PCDHGB4: variants seen among roughly 807,000 people sequenced by gnomAD.
PCDHGB4 encodes protocadherin gamma subfamily B, 4, also known as protocadherin gamma-B4.
PCDHGB4 carries 38 observed loss-of-function variants against 60.5 expected under a neutral mutation model. The observed-to-expected ratio is 0.63, with a 90% confidence interval of 0.48 to 0.82. The LOEUF (loss-of-function observed/expected upper bound fraction) is 0.82, where lower values mean the gene tolerates loss of function less well. Ranked by LOEUF, PCDHGB4 falls within the 40% of genes least tolerant of loss-of-function variation. The pLI is 0.00. For missense variants in PCDHGB4, 1,109 were observed against 1,209.6 expected (o/e 0.92, Z 1.23); for synonymous variants, 456 against 509.7 (o/e 0.89, Z 1.42).
At chr5:141,414,223 G>C in intron 1 of PCDHGB4, 1 of 1,613,426 alleles carries the variant, frequency 6.2e-7, no homozygotes, top group Non-Finnish European at 8.5e-7. Flanking sequence ...CAACAGTCCA[G>C]AGCTGACCAT....
intron 2 of PCDHGB4, among the ~76,000 whole-genome samples, chr5:141,502,200 C>T (rs553356132): frequency 6.6e-6 from 1 of 152,252 alleles, no homozygotes; most frequent in African/African-American, 2.4e-5. Flanking sequence ...AATATAGAAT[C>T]CACCAGCAGA....
At chr5:141,494,355 G>T (rs910437011) in intron 1 of PCDHGB4, among the ~76,000 whole-genome samples, 4 of 152,234 alleles carry the variant, frequency 2.6e-5, no homozygotes, top group African/African-American at 9.6e-5. Flanking sequence ...CCATCTTGCT[G>T]CAGAGGATGC....
chr5:141,479,939 A>G (rs763454741), intron 1 of PCDHGB4, among the ~76,000 whole-genome samples: 2 of 152,004 alleles, frequency 1.3e-5, no homozygotes, highest in Non-Finnish European at 2.9e-5. Flanking sequence ...ATTGCTATCA[A>G]CTCTTGGATT....
chr5:141,455,133 C>G (rs1172825339), intron 1 of PCDHGB4, among the ~76,000 whole-genome samples: 2 of 151,392 alleles, frequency 1.3e-5, no homozygotes, highest in African/African-American at 4.9e-5. Context: ...TTAAATTACA[C>G]TGTGTTAAAT....
In PCDHGB4 at chr5:141,493,211, G is replaced by C. The variant is rs1312763933; in HGVS notation, c.2398-1596G>C. Reference sequence around the variant, plus strand: ...CTCCTTTGAGAACCTCATCTCATTTGCTCTTCCCACCATTGCTGTTGGCTA... The same window carrying C: ...CTCCTTTGAGAACCTCATCTCATTTCCTCTTCCCACCATTGCTGTTGGCTA... On this transcript the variant is annotated intron_variant, in intron 1 of 3. Transcript: ENST00000519479. The surrounding 1 kb of genome is among the most constrained non-coding windows in gnomAD (Gnocchi z 4.3). 6.6e-6 allele frequency among the ~76,000 whole-genome samples: 1 copy of C among 152,180 alleles called. No individual in the cohort carries two copies. The highest frequency in any genetic ancestry group is 2.4e-5 in the African/African-American group (1 of 41,436).
In PCDHGB4 at chr5:141,511,999, C is replaced by G. The variant is rs1049440139; in HGVS notation, c.*826C>G. ...GTGGATGGTGGGGGCATGGACAAAG[C>G]TTGACACATCAAGTTATCAAGGCCT... is the stretch of plus-strand genomic sequence containing the variant. On this transcript the variant is annotated 3_prime_UTR_variant, in exon 4 of 4. Coordinates refer to ENST00000519479, the MANE Select transcript of PCDHGB4 (RefSeq NM_003736.4). 6.5e-6 allele frequency: 1 copy of G among 153,016 alleles called. No individual in the cohort carries two copies. Among genetic ancestry groups the G allele is most frequent in the Non-Finnish European group, 1.5e-5 (1 of 68,392 alleles). The allele number at this position is 153,016 out of a possible 1,614,324, so 9.5% of individuals were successfully genotyped here. A position where few individuals can be genotyped will look rare whatever the true frequency, so the allele number is the denominator to read the frequency against.
chr5:141,468,952 G>GA (rs2099186671), intron 1 of PCDHGB4, among the ~76,000 whole-genome samples: 1 of 151,198 alleles, frequency 6.6e-6, no homozygotes. Context: ...TAAACCTGTG[G>GA]TTTTTTTTAC....
intron 1 of PCDHGB4, chr5:141,417,879 A>G (rs2096177010): frequency 7.1e-6 from 11 of 1,559,306 alleles, no homozygotes; most frequent in South Asian, 2.3e-5. Flanking sequence ...AGCTGCGCGC[A>G]GAGGCGCCGG....
chr5:141,419,507 G>A (rs909984738), intron 1 of PCDHGB4: 2 of 1,612,198 alleles, frequency 1.2e-6, no homozygotes, highest in Non-Finnish European at 1.7e-6. Context: ...GAGCCTGCGC[G>A]TGTTGGTGGG....
intron 1 of PCDHGB4, chr5:141,399,718 C>T (rs770212703): frequency 6.2e-7 from 1 of 1,613,306 alleles, no homozygotes; most frequent in Non-Finnish European, 8.5e-7. Context: ...ACTACAGGCC[C>T]GCGACCAGGG....
chr5:141,400,150 C>T (rs1375670164), intron 1 of PCDHGB4: 3 of 1,613,952 alleles, frequency 1.9e-6, no homozygotes, highest in Non-Finnish European at 2.5e-6. Flanking sequence ...CACTGACCGC[C>T]CTGTACCCTC....
intron 1 of PCDHGB4, among the ~76,000 whole-genome samples, chr5:141,430,347 A>C (rs2097274758): frequency 6.6e-6 from 1 of 151,944 alleles, no homozygotes; most frequent in Non-Finnish European, 1.5e-5. Flanking sequence ...CTTCCAATTC[A>C]TTTAAAAGCT....
chr5:141,413,981 C>T (rs563161887), intron 1 of PCDHGB4: 52 of 1,613,334 alleles, frequency 3.2e-5, no homozygotes, highest in African/African-American at 5.3e-5. Context: ...CTGACAGTCA[C>T]AGCCACCGAC....
chr5:141,434,481 A>G (rs2097697198), intron 1 of PCDHGB4, among the ~76,000 whole-genome samples: 1 of 152,246 alleles, frequency 6.6e-6, no homozygotes, highest in Non-Finnish European at 1.5e-5. Context: ...GGCAAGGAAC[A>G]CCTGGCCCGC....
chr5:141,490,142 C>T lies in PCDHGB4; in HGVS notation c.2398-4665C>T. On this transcript the variant is annotated intron_variant, in intron 1 of 3. Transcript: ENST00000519479. This position sits in a 1 kb window ranked among gnomAD's most constrained non-coding sequence, Gnocchi z 5.4. ...TTTGGCCTAGACCCTAGCAGTGGGG[C>T]AATCCATGTGTTGGGTCCCATAGAC... 2 of 1,614,220 alleles carry T rather than the reference C, an allele frequency of 1.2e-6. No individual in the cohort carries two copies. Among genetic ancestry groups the T allele is most frequent in the South Asian group, 1.1e-5 (1 of 91,088 alleles).
In PCDHGB4 at chr5:141,487,829, C is replaced by T. The variant is rs528435429; in HGVS notation, c.2398-6978C>T. On this transcript the variant is annotated intron_variant, in intron 1 of 3. Transcript: ENST00000519479. The surrounding 1 kb of genome is among the most constrained non-coding windows in gnomAD (Gnocchi z 5.0). ...GTTTAGCATTGGGGGCGGGTCATGC[C>T]TATATCTGAGTAAGAAATGAAAGTA... The T allele has an allele frequency of 1.1e-4, 125 of 1,182,994 alleles. No homozygotes were observed. In the Middle Eastern group the frequency reaches 3.7e-3, roughly 35 times the overall value. 73.3% of individuals were successfully genotyped at this position (1,182,994 alleles called of 1,614,324 possible).
rs764313049 is a variant in PCDHGB4, at chr5:141,418,041, T to G, written c.2397+27760T>G. 36 of 1,613,976 alleles carry G rather than the reference T, an allele frequency of 2.2e-5. No homozygotes were observed. In the Admixed American group the frequency reaches 2.3e-4, roughly 10 times the overall value. On this transcript the variant is annotated intron_variant, in intron 1 of 3. Coordinates refer to ENST00000519479, the MANE Select transcript of PCDHGB4 (RefSeq NM_003736.4). Reference sequence around the variant, plus strand: ...GATCTAGGGCTTAGTGTCCTGGATGTGTCGGCTCGCGAGCTGCGAGTGAGC... The same window carrying G: ...GATCTAGGGCTTAGTGTCCTGGATGGGTCGGCTCGCGAGCTGCGAGTGAGC...
intron 1 of PCDHGB4, among the ~76,000 whole-genome samples, chr5:141,450,123 T>G (rs565568384): frequency 2.4e-4 from 36 of 150,874 alleles, no homozygotes; most frequent in Non-Finnish European, 4.7e-4. Context: ...TCTCCTGCCT[T>G]AGCCTCCTGA....
intron 1 of PCDHGB4, among the ~76,000 whole-genome samples, chr5:141,455,603 C>T (rs1433078116): frequency 3.3e-5 from 5 of 152,190 alleles, no homozygotes; most frequent in Admixed American, 2.6e-4. Context: ...CGTAGGGCGC[C>T]ATGGATGTTC....
Sources: gnomAD v4.1 joint callset for allele counts (sites outside exome capture counted in the v4.1 genomes callset) on GRCh38, gnomAD v4.1.1 for gene constraint, Gnocchi (gnomAD v3.1) non-coding constraint, MANE v1.5 for transcripts, NCBI Gene and HGNC (gene_info 2026-07-23, HGNC 2026-07-21) for gene names.